ROBO2: variants seen among roughly 807,000 people sequenced by gnomAD.
The protein encoded by ROBO2 is roundabout guidance receptor 2.
ROBO2 carries 53 observed loss-of-function variants against 160.8 expected under a neutral mutation model. The observed-to-expected ratio is 0.33, with a 90% CI of 0.26 to 0.41. The LOEUF (loss-of-function observed/expected upper bound fraction) is 0.41, where lower values mean the gene tolerates loss of function less well. Among genes scored for constraint, ROBO2 ranks in the 10% least tolerant of loss-of-function variants. ROBO2 has a pLI of 1.00. For missense variants in ROBO2, 1,577 were observed against 1,722.4 expected (o/e 0.92, Z 1.49); for synonymous variants, 664 against 611.7 (o/e 1.09, Z -1.26).
At chr3:76,216,736 C>T (rs1355243367) in intron 2 of ROBO2, among the ~76,000 whole-genome samples, 5 of 152,136 alleles carry the variant, frequency 3.3e-5, no homozygotes, top group African/African-American at 4.8e-5. Context: ...CCACTGTCAA[C>T]ATTAGACAGC....
At chr3:76,487,663 G>C (rs1263941347) in intron 2 of ROBO2, among the ~76,000 whole-genome samples, 1 of 152,152 alleles carries the variant, frequency 6.6e-6, no homozygotes, top group Non-Finnish European at 1.5e-5. Context: ...AGTCCTAGAA[G>C]CCTGCACTCT....
At chr3:76,892,356 T>A (rs1026687117) in intron 2 of ROBO2, among the ~76,000 whole-genome samples, 9 of 152,192 alleles carry the variant, frequency 5.9e-5, no homozygotes, top group African/African-American at 1.9e-4. Context: ...TTGGACTCTT[T>A]GACACCAATT....
chr3:76,935,020 A>G (rs941836739), intron 2 of ROBO2, among the ~76,000 whole-genome samples: 8 of 148,366 alleles, frequency 5.4e-5, no homozygotes, highest in African/African-American at 2.0e-4. Flanking sequence ...TGGTCTGATA[A>G]CTGCTCACTG....
intron 2 of ROBO2, among the ~76,000 whole-genome samples, chr3:77,404,788 A>G (rs2076127756): frequency 6.6e-6 from 1 of 152,208 alleles, no homozygotes; most frequent in African/African-American, 2.4e-5. Context: ...ATCCAAAAGA[A>G]TAAAATGAAA....
chr3:75,945,087 A>G (rs1418404776), intron 2 of ROBO2, among the ~76,000 whole-genome samples: 3 of 152,270 alleles, frequency 2.0e-5, no homozygotes, highest in African/African-American at 4.8e-5. Flanking sequence ...TCTATATTCA[A>G]AAATTACTTA....
chr3:76,180,615 A>G (rs542677252), intron 2 of ROBO2, among the ~76,000 whole-genome samples: 17 of 152,238 alleles, frequency 1.1e-4, no homozygotes, highest in Admixed American at 3.9e-4. Flanking sequence ...TTTTGATTCA[A>G]TATTCCTTCT....
At chr3:76,376,249 G>C (rs1371986233) in intron 2 of ROBO2, among the ~76,000 whole-genome samples, 1 of 151,972 alleles carries the variant, frequency 6.6e-6, no homozygotes, top group East Asian at 1.9e-4. Flanking sequence ...ATTCACTTAG[G>C]TCTAAATTGG....
intron 2 of ROBO2, among the ~76,000 whole-genome samples, chr3:77,449,451 C>T (rs2080902235): frequency 6.6e-6 from 1 of 152,042 alleles, no homozygotes; most frequent in South Asian, 2.1e-4. Flanking sequence ...TAAGTCCATA[C>T]ATCTTGAACA....
chr3:76,085,364 A>G (rs2068977188), intron 2 of ROBO2, among the ~76,000 whole-genome samples: 1 of 152,166 alleles, frequency 6.6e-6, no homozygotes, highest in African/African-American at 2.4e-5. Context: ...AAGCTAATTT[A>G]TCAGATATCA....
intron 2 of ROBO2, among the ~76,000 whole-genome samples, chr3:76,263,838 A>T (rs779063345): frequency 1.4e-4 from 21 of 152,244 alleles, no homozygotes; most frequent in Admixed American, 3.9e-4. Flanking sequence ...ATCAGTGATA[A>T]ACTGGATAAA....
intron 2 of ROBO2, among the ~76,000 whole-genome samples, chr3:76,652,048 C>T (rs865882046): frequency 6.6e-6 from 1 of 152,132 alleles, no homozygotes; most frequent in African/African-American, 2.4e-5. Flanking sequence ...TTAACTGCAG[C>T]AGTGGAAAAA....
chr3:77,166,622 C>T (rs2079105849), intron 2 of ROBO2, among the ~76,000 whole-genome samples: 1 of 152,096 alleles, frequency 6.6e-6, no homozygotes, highest in Non-Finnish European at 1.5e-5. Flanking sequence ...GCGGTGGCGC[C>T]ATCTTGGCTC....
At chr3:76,142,031 G>C (rs937718211) in intron 2 of ROBO2, among the ~76,000 whole-genome samples, 2 of 151,984 alleles carry the variant, frequency 1.3e-5, no homozygotes, top group Non-Finnish European at 2.9e-5. Flanking sequence ...TTTAGTGGCT[G>C]AGGGGGTCAG....
At chr3:76,433,914 T>C (rs545737600) in intron 2 of ROBO2, 9 of 620,858 alleles carry the variant, frequency 1.4e-5, no homozygotes, top group African/African-American at 9.2e-5. Flanking sequence ...CATGACCATT[T>C]GTGATTTGAA....
chr3:76,329,592 C>T (rs575199545), intron 2 of ROBO2, among the ~76,000 whole-genome samples: 3 of 152,332 alleles, frequency 2.0e-5, no homozygotes, highest in African/African-American at 4.8e-5. Context: ...AGTTAGTTAT[C>T]TTCACCTGTC....
intron 2 of ROBO2, among the ~76,000 whole-genome samples, chr3:76,421,627 G>A (rs907927004): frequency 1.3e-5 from 2 of 151,756 alleles, no homozygotes; most frequent in Non-Finnish European, 2.9e-5. Context: ...TGAGGAGGCT[G>A]AGGCAGGAGA....
chr3:76,808,878 A>T (rs555917817), intron 2 of ROBO2, among the ~76,000 whole-genome samples: 1 of 152,160 alleles, frequency 6.6e-6, no homozygotes, highest in Non-Finnish European at 1.5e-5. Context: ...TAGGAAAATA[A>T]ATATGGAAAT....
intron 2 of ROBO2, among the ~76,000 whole-genome samples, chr3:75,954,737 C>T (rs1948667020): frequency 6.6e-6 from 1 of 151,734 alleles, no homozygotes; most frequent in Admixed American, 6.6e-5. Context: ...AACTATGAAA[C>T]AGGAACTTAC....
rs1481564319 is a variant in ROBO2 at position 76,248,300 on chromosome 3, A to G, written c.109+310698A>G. Among the ~76,000 whole-genome samples, 10 of 152,250 alleles carry G rather than the reference A, an allele frequency of 6.6e-5. No individual in the cohort carries two copies. In the East Asian group the frequency reaches 1.9e-3, roughly 30 times the overall value. On this transcript the variant is annotated intron_variant, in intron 2 of 26. Transcript: ENST00000487694. ...ATGTGGCACACATACATCATGGAAT[A>G]CTATGCAGCCATAAAAAATGATGAG...
Sources: allele counts gnomAD v4.1 joint callset (sites outside exome capture counted in the v4.1 genomes callset), GRCh38; gene constraint gnomAD v4.1.1; transcripts MANE v1.5; gene names NCBI Gene and HGNC (gene_info 2026-07-23, HGNC 2026-07-21).